ADAMTSL1: variants seen among roughly 807,000 people sequenced by gnomAD.
ADAMTSL1 encodes ADAMTS like 1, also known as ADAMTS-like protein 1.
ADAMTSL1 carries 126 observed loss-of-function variants against 201.8 expected under a neutral mutation model. The ratio of observed to expected loss-of-function variants is 0.62; its 90% confidence interval spans 0.54 to 0.72. The LOEUF is 0.72. Ranked by LOEUF, ADAMTSL1 falls within the 30% of genes least tolerant of loss-of-function variation. ADAMTSL1 has a pLI of 0.00. For missense variants in ADAMTSL1, 2,679 were observed against 2,277.8 expected (o/e 1.18, Z -3.59); for synonymous variants, 1,121 against 903.4 (o/e 1.24, Z -4.32).
intron 21 of ADAMTSL1, among the ~76,000 whole-genome samples, chr9:18,821,937 T>A (rs1191900662): frequency 1.3e-5 from 2 of 152,176 alleles, no homozygotes; most frequent in African/African-American, 4.8e-5. Context: ...GGCAGCTCCA[T>A]GGACATCAAA....
At chr9:18,278,253 A>G (rs1040304041) in intron 2 of ADAMTSL1, among the ~76,000 whole-genome samples, 3 of 152,198 alleles carry the variant, frequency 2.0e-5, no homozygotes, top group Non-Finnish European at 1.5e-5. Flanking sequence ...TGGTTTTTAT[A>G]CTTTCATGTG....
intron 2 of ADAMTSL1, among the ~76,000 whole-genome samples, chr9:18,423,068 T>A (rs183014658): frequency 6.6e-6 from 1 of 152,320 alleles, no homozygotes; most frequent in East Asian, 1.9e-4. Context: ...TTTCTTTAAT[T>A]TCTTTCCCCT....
chr9:18,402,598 T>A (rs1818026080), intron 2 of ADAMTSL1, among the ~76,000 whole-genome samples: 1 of 152,174 alleles, frequency 6.6e-6, no homozygotes, highest in African/African-American at 2.4e-5. Context: ...CATCCCTATA[T>A]CTTTCAGTCC....
chr9:18,484,592 A>G (rs1821893373), intron 1 of ADAMTSL1, among the ~76,000 whole-genome samples: 1 of 152,152 alleles, frequency 6.6e-6, no homozygotes, highest in African/African-American at 2.4e-5. Flanking sequence ...AAAGTAGTAA[A>G]ACCTTTAAAC....
At chr9:18,766,651 A>G (rs548989449) in intron 16 of ADAMTSL1, among the ~76,000 whole-genome samples, 2 of 152,188 alleles carry the variant, frequency 1.3e-5, no homozygotes, top group Non-Finnish European at 2.9e-5. Context: ...TTCGGTGTCT[A>G]GTGAGAACCC....
At chr9:18,856,008 A>G (rs1234768502) in intron 23 of ADAMTSL1, among the ~76,000 whole-genome samples, 1 of 152,174 alleles carries the variant, frequency 6.6e-6, no homozygotes, top group Non-Finnish European at 1.5e-5. Flanking sequence ...TTCTCCTTGT[A>G]ATCCTGTTGT....
intron 23 of ADAMTSL1, among the ~76,000 whole-genome samples, chr9:18,861,376 G>C (rs181904282): frequency 1.6e-4 from 24 of 152,268 alleles, no homozygotes; most frequent in African/African-American, 5.8e-4. Flanking sequence ...GACTGCATTG[G>C]TTTTAGGGCT....
rs1198584340 is a variant in ADAMTSL1, at chr9:18,681,869, C to T, written c.1399C>T (p.Arg467Ter). 1.2e-6 allele frequency: 2 copies of T among 1,613,910 alleles called. No homozygotes were observed. Among genetic ancestry groups the T allele is most frequent in the South Asian group, 1.1e-5 (1 of 91,070 alleles). The change falls in exon 12 of 29, where the codon CGA becomes TGA. Residue 467 changes from arginine to a stop codon, truncating the protein, a stop_gained. Coordinates refer to ENST00000380548, the MANE Select transcript of ADAMTSL1 (RefSeq NM_001040272.6). LOFTEE classifies it high-confidence loss of function. ...RYRVVLCIDH[R>*]GMHTGGCSPK... ...CCGTGTGGTCCTCTGCATCGACCAT[C>T]GAGGAATGCACACAGGAGGCTGTAG...
intron 1 of ADAMTSL1, among the ~76,000 whole-genome samples, chr9:17,981,586 C>T (rs1014662597): frequency 8.5e-5 from 13 of 152,136 alleles, no homozygotes; most frequent in Non-Finnish European, 1.6e-4. Flanking sequence ...ATGAACGTGT[C>T]CTTCTTCAAA....
At chr9:18,178,370 G>A (rs1007291846) in intron 2 of ADAMTSL1, among the ~76,000 whole-genome samples, 62 of 152,258 alleles carry the variant, frequency 4.1e-4, no homozygotes, top group African/African-American at 1.4e-3. Context: ...TGGCTCGGAG[G>A]GTCCTACACC....
intron 3 of ADAMTSL1, among the ~76,000 whole-genome samples, chr9:18,563,978 C>T (rs1821711492): frequency 6.6e-6 from 1 of 152,160 alleles, no homozygotes; most frequent in Admixed American, 6.5e-5. Flanking sequence ...TAAGCTAGAC[C>T]ACTTGGCTCC....
intron 1 of ADAMTSL1, among the ~76,000 whole-genome samples, chr9:18,071,636 A>G (rs1822973561): frequency 6.6e-6 from 1 of 152,208 alleles, no homozygotes; most frequent in African/African-American, 2.4e-5. Flanking sequence ...CTCTGCTTTT[A>G]TCCATGTACC....
chr9:18,240,632 C>A (rs1831025547), intron 2 of ADAMTSL1, among the ~76,000 whole-genome samples: 2 of 152,178 alleles, frequency 1.3e-5, no homozygotes, highest in Non-Finnish European at 2.9e-5. Context: ...ATGGCATCTT[C>A]TTTCAGTATA....
intron 3 of ADAMTSL1, among the ~76,000 whole-genome samples, chr9:18,534,549 G>A (rs562131963): frequency 6.6e-6 from 1 of 152,292 alleles, no homozygotes; most frequent in South Asian, 2.1e-4. Context: ...TGTACTTGCC[G>A]ATCCCTCTGT....
rs188897721 is a variant in ADAMTSL1, at chr9:18,195,958, A to C, written c.207+31977A>C. 2.2e-3 allele frequency among the ~76,000 whole-genome samples: 342 copies of C among 152,292 alleles called. 3 individuals carry two copies. The highest frequency in any genetic ancestry group is 8.0e-3 in the African/African-American group (333 of 41,570). On this transcript the variant is annotated intron_variant, in intron 2 of 29. Transcript: ENST00000680146. ...ATTCACGTCCTGTGAAAAGTTAAAA[A>C]CTGTATTTTTGAAACTTAAAAGAAA...
At chr9:17,983,189 G>A (rs1054282080) in intron 1 of ADAMTSL1, among the ~76,000 whole-genome samples, 3 of 151,406 alleles carry the variant, frequency 2.0e-5, no homozygotes, top group African/African-American at 7.3e-5. Flanking sequence ...TCCTGCCTCA[G>A]CCTCCCGAGC....
chr9:18,474,256 T>C lies in ADAMTSL1; in HGVS notation c.24T>C (p.Thr8=). The change falls in exon 1 of 29, where the codon ACT becomes ACC. Residue 8 remains threonine (T), a synonymous_variant. Transcript: ENST00000380548. Reference sequence around the variant, plus strand: ...GCATGGAATGCTGCCGTCGGGCAACTCCTGGCACACTGCTCCTCTTTCTGG... The same window carrying C: ...GCATGGAATGCTGCCGTCGGGCAACCCCTGGCACACTGCTCCTCTTTCTGG... MECCRRA[T]PGTLLLFLAF... is the part of the protein sequence containing the mutation. The C allele has an allele frequency of 6.2e-7, 1 of 1,614,198 alleles. No individual in the cohort carries two copies. Among genetic ancestry groups the C allele is most frequent in the Non-Finnish European group, 8.5e-7 (1 of 1,180,026 alleles).
At chr9:17,986,063 A>G (rs952249880) in intron 1 of ADAMTSL1, among the ~76,000 whole-genome samples, 2 of 152,150 alleles carry the variant, frequency 1.3e-5, no homozygotes, top group African/African-American at 4.8e-5. Flanking sequence ...ATTGAGGTTT[A>G]TGTGGGAGCA....
chr9:18,847,766 G>A (rs932515652), intron 23 of ADAMTSL1, among the ~76,000 whole-genome samples: 20 of 152,218 alleles, frequency 1.3e-4, no homozygotes, highest in Admixed American at 9.8e-4. Context: ...AGGCCAGTGT[G>A]GCCACAATGA....
Sources: allele counts gnomAD v4.1 joint callset (sites outside exome capture counted in the v4.1 genomes callset), GRCh38; gene constraint gnomAD v4.1.1; transcripts MANE v1.5; gene names NCBI Gene and HGNC (gene_info 2026-07-23, HGNC 2026-07-21).